Variants in DPH6 observed in about 807,000 individuals in gnomAD.
DPH6 encodes diphthamine biosynthesis 6.
A neutral mutation model predicts 38.2 loss-of-function variants in DPH6; 33 were observed. That is an observed-to-expected ratio of 0.86 (90% confidence interval 0.65 to 1.15). The LOEUF is 1.15. DPH6 is among the 50% of genes most tolerant of loss of function. DPH6 has a pLI of 0.00. For synonymous variants in DPH6, 108 were observed against 103.0 expected (o/e 1.05, Z -0.30); for missense variants, 325 against 320.0 (o/e 1.02, Z -0.12).
At chr15:35,489,253 T>G (rs2054444771) in intron 3 of DPH6, 2 of 806,672 alleles carry the variant, frequency 2.5e-6, no homozygotes, top group Admixed American at 1.2e-4. Context: ...TACCATGTGA[T>G]CTGGGGATCT....
At chr15:35,216,181 T>C (rs1178926860), downstream of DPH6, among the ~76,000 whole-genome samples, 1 of 152,364 alleles carries the variant, frequency 6.6e-6, no homozygotes, top group East Asian at 1.9e-4. Context: ...CAGGTTACCC[T>C]GTGAAACCAG....
At chr15:35,479,197 A>G (rs905882293) in intron 3 of DPH6, among the ~76,000 whole-genome samples, 1 of 152,172 alleles carries the variant, frequency 6.6e-6, no homozygotes. Context: ...CAATAAGTAG[A>G]CCTGTGTGAC....
intron 3 of DPH6, among the ~76,000 whole-genome samples, chr15:35,363,729 C>T (rs920389073): frequency 2.3e-4 from 35 of 151,676 alleles, no homozygotes; most frequent in African/African-American, 8.5e-4. Context: ...TTTCTATTGC[C>T]TTTTAAAAAT....
chr15:35,147,556 G>A, the DPH6 span, among the ~76,000 whole-genome samples: 1 of 152,128 alleles, frequency 6.6e-6, no homozygotes, highest in Non-Finnish European at 1.5e-5. Flanking sequence ...GTCGGTGATA[G>A]CATGGGAAAT....
At chr15:35,261,070 C>T (rs896050506) in intron 3 of DPH6, among the ~76,000 whole-genome samples, 3 of 152,224 alleles carry the variant, frequency 2.0e-5, no homozygotes, top group Non-Finnish European at 2.9e-5. Flanking sequence ...TATATCAGTT[C>T]CTGTTGGAAT....
chr15:35,281,510 A>G (rs946934939), intron 3 of DPH6, among the ~76,000 whole-genome samples: 6 of 152,338 alleles, frequency 3.9e-5, no homozygotes, highest in Admixed American at 1.3e-4. Context: ...AGGAGACATG[A>G]CTTTTGACCT....
intron 3 of DPH6, among the ~76,000 whole-genome samples, chr15:35,509,979 GC>G (rs1276778353): frequency 6.6e-5 from 10 of 152,166 alleles, no homozygotes; most frequent in African/African-American, 2.4e-4. Flanking sequence ...ACTTTGGGAT[GC>G]CAAGGCAGGG....
intron 3 of DPH6, among the ~76,000 whole-genome samples, chr15:35,348,329 T>A (rs1021968406): frequency 1.3e-5 from 2 of 152,198 alleles, no homozygotes; most frequent in Non-Finnish European, 2.9e-5. Flanking sequence ...TTTTTGTATA[T>A]GGTGTAAGAG....
the DPH6 span, among the ~76,000 whole-genome samples, chr15:35,193,722 CAGG>C: frequency 1.3e-5 from 2 of 152,094 alleles, no homozygotes; most frequent in African/African-American, 4.8e-5. Context: ...TGAAATGTAT[CAGG>C]AGAATTTATT....
intron 6 of DPH6, among the ~76,000 whole-genome samples, chr15:35,388,530 G>T (rs1326044430): frequency 2.6e-5 from 4 of 152,160 alleles, no homozygotes; most frequent in Non-Finnish European, 4.4e-5. Flanking sequence ...CCTGTTATTG[G>T]TCTATTCAGA....
At chr15:35,311,080 C>T (rs1389203666) in intron 3 of DPH6, among the ~76,000 whole-genome samples, 1 of 134,262 alleles carries the variant, frequency 7.4e-6, no homozygotes, top group African/African-American at 2.8e-5. Flanking sequence ...ACAACAACAA[C>T]AAAAAAAAAA....
intron 3 of DPH6, among the ~76,000 whole-genome samples, chr15:35,461,652 A>G (rs567874083): frequency 6.6e-6 from 1 of 151,990 alleles, no homozygotes; most frequent in South Asian, 2.1e-4. Flanking sequence ...CACTGCTAAT[A>G]ATGATGATAC....
intron 3 of DPH6, among the ~76,000 whole-genome samples, chr15:35,348,386 C>T (rs951522737): frequency 6.6e-6 from 1 of 152,176 alleles, no homozygotes; most frequent in Non-Finnish European, 1.5e-5. Flanking sequence ...GCTTTCCCAA[C>T]ATCTTTTGTT....
At chr15:35,337,535 T>C (rs986460793) in intron 3 of DPH6, among the ~76,000 whole-genome samples, 10 of 151,232 alleles carry the variant, frequency 6.6e-5, no homozygotes, top group African/African-American at 2.4e-4. Flanking sequence ...TAAAACAGGA[T>C]ACAAACAAAT....
chr15:35,328,974 G>A (rs1449039071), downstream of DPH6, among the ~76,000 whole-genome samples: 1 of 152,150 alleles, frequency 6.6e-6, no homozygotes, highest in Non-Finnish European at 1.5e-5. Flanking sequence ...AAAATCATCA[G>A]ATGTCATAAG....
At chr15:35,266,083 T>C (rs1007891230) in intron 3 of DPH6, among the ~76,000 whole-genome samples, 1 of 152,184 alleles carries the variant, frequency 6.6e-6, no homozygotes, top group Non-Finnish European at 1.5e-5. Flanking sequence ...TAAAAACATA[T>C]AGGCCAAAAG....
chr15:35,509,725 C>T (rs2054741957), intron 3 of DPH6, among the ~76,000 whole-genome samples: 2 of 152,158 alleles, frequency 1.3e-5, no homozygotes, highest in Admixed American at 6.5e-5. Flanking sequence ...AAAATCTATG[C>T]TTAATATTTT....
intron 3 of DPH6, among the ~76,000 whole-genome samples, chr15:35,233,636 A>G (rs1274041827): frequency 2.0e-5 from 3 of 152,168 alleles, no homozygotes; most frequent in Non-Finnish European, 4.4e-5. Flanking sequence ...AGGAATTTGA[A>G]GTTCACCTCA....
intron 3 of DPH6, among the ~76,000 whole-genome samples, chr15:35,335,724 T>C (rs944925738): frequency 6.6e-6 from 1 of 152,168 alleles, no homozygotes; most frequent in African/African-American, 2.4e-5. Flanking sequence ...GAGTTCTCTG[T>C]TCGATTCCAT....
Sources: gnomAD v4.1 joint callset for allele counts (sites outside exome capture counted in the v4.1 genomes callset) on GRCh38, gnomAD v4.1.1 for gene constraint, MANE v1.5 for transcripts, NCBI Gene and HGNC (gene_info 2026-07-23, HGNC 2026-07-21) for gene names.